Variants in SSBP2 observed in about 807,000 individuals in gnomAD.
The protein encoded by SSBP2 is single stranded DNA binding protein 2, also known as single-stranded DNA-binding protein 2.
Under a neutral mutation model 61.8 loss-of-function variants are expected in SSBP2, and 17 were observed. The ratio of observed to expected loss-of-function variants is 0.28; its 90% CI spans 0.19 to 0.41. The LOEUF (loss-of-function observed/expected upper bound fraction) is 0.41, where lower values mean the gene tolerates loss of function less well. Ranked by LOEUF, SSBP2 falls within the 10% of genes least tolerant of loss-of-function variation. The pLI, the probability that SSBP2 is intolerant of heterozygous loss-of-function variation, is 1.00. For missense variants in SSBP2, 310 were observed against 458.7 expected (o/e 0.68, Z 2.96); for synonymous variants, 139 against 141.3 (o/e 0.98, Z 0.12).
At chr5:81,745,247 C>T (rs1185516885) in intron 1 of SSBP2, among the ~76,000 whole-genome samples, 2 of 152,090 alleles carry the variant, frequency 1.3e-5, no homozygotes, top group African/African-American at 4.8e-5. Context: ...AGACATTAAT[C>T]TTGGTGGACC....
intron 1 of SSBP2, among the ~76,000 whole-genome samples, chr5:81,660,442 A>G (rs1750588560): frequency 6.6e-6 from 1 of 152,074 alleles, no homozygotes; most frequent in Non-Finnish European, 1.5e-5. Context: ...TAGAAATGCA[A>G]ATCACCACAA....
chr5:81,712,362 A>AGATTTCTGGCT (rs141328482), intron 1 of SSBP2, among the ~76,000 whole-genome samples: 1 of 49,488 alleles, frequency 2.0e-5, no homozygotes, highest in Non-Finnish European at 4.1e-5. Flanking sequence ...TAAAGATTAC[A>AGATTTCTGGCT]AGGCCGAGGC....
At chr5:81,599,315 G>T (rs962016394) in intron 4 of SSBP2, among the ~76,000 whole-genome samples, 1 of 152,182 alleles carries the variant, frequency 6.6e-6, no homozygotes, top group African/African-American at 2.4e-5. Flanking sequence ...GCTCTGAAAA[G>T]AGCAAGTTTC....
chr5:81,634,430 T>G (rs1325547719), intron 3 of SSBP2, among the ~76,000 whole-genome samples: 1 of 152,144 alleles, frequency 6.6e-6, no homozygotes, highest in Non-Finnish European at 1.5e-5. Context: ...CTCCCTAAGA[T>G]GTACGAAATC....
At chr5:81,448,912 T>C in intron 10 of SSBP2, 87 bp from the exon 11 acceptor site, 1 of 1,134,390 alleles carries the variant, frequency 8.8e-7, no homozygotes, top group Non-Finnish European at 1.3e-6. Flanking sequence ...TGATTTTTTG[T>C]CAAGTTTTAA....
chr5:81,700,238 CA>C (rs1421066326), intron 1 of SSBP2, among the ~76,000 whole-genome samples: 4 of 152,136 alleles, frequency 2.6e-5, no homozygotes, highest in African/African-American at 9.7e-5. Context: ...GGCAGGGAAA[CA>C]ATATCAATCT....
rs189970892 is a variant in SSBP2 at position 81,571,039 on chromosome 5, C to T, written c.282+44434G>A. On this transcript the variant is annotated intron_variant, in intron 4 of 16. Coordinates refer to ENST00000320672, the MANE Select transcript of SSBP2 (RefSeq NM_012446.5). Reference sequence around the variant, plus strand: ...CATTATCACATGACATATTTCTAGACAGTAGATACTTCAGAATTCCTATAT... The same window carrying T: ...CATTATCACATGACATATTTCTAGATAGTAGATACTTCAGAATTCCTATAT... 4.6e-5 allele frequency among the ~76,000 whole-genome samples: 7 copies of T among 152,292 alleles called. No individual in the cohort carries two copies. The East Asian group carries it at 1.2e-3, about 25-fold the overall frequency.
At chr5:81,525,914 A>G (rs975820592) in intron 4 of SSBP2, among the ~76,000 whole-genome samples, 4 of 152,072 alleles carry the variant, frequency 2.6e-5, no homozygotes, top group African/African-American at 9.7e-5. Context: ...AGTTCTTTAA[A>G]ACGTCTTTGT....
rs772423701 is a variant in SSBP2, at chr5:81,615,462, T to G, written c.282+11A>C. 6.2e-7 allele frequency: 1 copy of G among 1,603,022 alleles called. No individual in the cohort carries two copies. The highest frequency in any genetic ancestry group is 1.1e-5 in the South Asian group (1 of 90,698). On this transcript the variant is annotated intron_variant, in intron 4 of 16. Coordinates refer to ENST00000320672, the MANE Select transcript of SSBP2 (RefSeq NM_012446.5). ...GACAGTGTAACTTTGTAAAATTATATGTTAACTTACGTAATCATGGAAGGC... is the reference window on the plus strand; with the variant it reads ...GACAGTGTAACTTTGTAAAATTATAGGTTAACTTACGTAATCATGGAAGGC...
At chr5:81,614,035 A>T (rs538983081) in intron 4 of SSBP2, among the ~76,000 whole-genome samples, 3 of 152,132 alleles carry the variant, frequency 2.0e-5, no homozygotes, top group Non-Finnish European at 2.9e-5. Flanking sequence ...AATCACAAGC[A>T]CTCTCACTTG....
chr5:81,630,473 G>C (rs1332602408), intron 3 of SSBP2, among the ~76,000 whole-genome samples: 1 of 152,174 alleles, frequency 6.6e-6, no homozygotes, highest in Non-Finnish European at 1.5e-5. Context: ...GATTTATATA[G>C]ATGAAGGAGG....
At position 81,681,700 on chromosome 5, in the gene SSBP2, A is replaced by G. The variant is rs148830365; in HGVS notation, c.63-31361T>C. ...AAAAGAAGGGCAAATTAAATCCAAAATAAGCCAGAGGAAAAAATCTGAGCA... is the reference window on the plus strand; with the variant it reads ...AAAAGAAGGGCAAATTAAATCCAAAGTAAGCCAGAGGAAAAAATCTGAGCA... On this transcript the variant is annotated intron_variant, in intron 1 of 16. Coordinates refer to ENST00000320672, the MANE Select transcript of SSBP2 (RefSeq NM_012446.5). 3.1e-3 allele frequency among the ~76,000 whole-genome samples: 473 copies of G among 152,216 alleles called. 3 individuals are homozygous for G. Among genetic ancestry groups the G allele is most frequent in the African/African-American group, 0.011 (452 of 41,548 alleles).
intron 1 of SSBP2, among the ~76,000 whole-genome samples, chr5:81,674,457 C>T (rs1200750166): frequency 2.0e-5 from 3 of 152,094 alleles, no homozygotes; most frequent in African/African-American, 7.2e-5. Context: ...TGTGGTCCTA[C>T]CAGTCAAAGC....
At chr5:81,475,228 CT>C (rs910595263) in intron 6 of SSBP2, among the ~76,000 whole-genome samples, 23 of 152,192 alleles carry the variant, frequency 1.5e-4, no homozygotes, top group African/African-American at 4.8e-4. Context: ...ACCTACTGAT[CT>C]TAAGTATATA....
rs13171371 is a variant in SSBP2 at position 81,416,008 on chromosome 5, A to G, written c.*4496T>C. 1 of 151,328 alleles carries G rather than the reference A, an allele frequency of 6.6e-6. No individual in the cohort carries two copies. The highest frequency in any genetic ancestry group is 1.9e-4 in the East Asian group (1 of 5,174). 9.4% of individuals were successfully genotyped at this position (151,328 alleles called of 1,614,324 possible). On this transcript the variant is annotated 3_prime_UTR_variant, in exon 17 of 17. Transcript: ENST00000320672. ...GAGGCTGAGGCGGGCAGATCACTTG[A>G]GGTCAGGAGTTCCAGACCAGCCTGG... is the stretch of plus-strand genomic sequence containing the variant.
At chr5:81,507,798 T>C (rs1252465711) in intron 5 of SSBP2, among the ~76,000 whole-genome samples, 4 of 152,156 alleles carry the variant, frequency 2.6e-5, no homozygotes, top group Non-Finnish European at 5.9e-5. Flanking sequence ...AGAAGCTTCC[T>C]TGTTACTTAC....
At chr5:81,617,747 G>T (rs1476928058) in intron 3 of SSBP2, among the ~76,000 whole-genome samples, 5 of 91,846 alleles carry the variant, frequency 5.4e-5, no homozygotes, top group Admixed American at 1.3e-4. Context: ...GACTAACAGC[G>T]GATCTCTCGG....
At chr5:81,713,593 CA>C (rs2153945531) in intron 1 of SSBP2, among the ~76,000 whole-genome samples, 1 of 152,262 alleles carries the variant, frequency 6.6e-6, no homozygotes, top group African/African-American at 2.4e-5. Context: ...TGTACATCGC[CA>C]ATAAAACAGC....
chr5:81,590,970 T>A (rs1466388853), intron 4 of SSBP2, among the ~76,000 whole-genome samples: 1 of 152,174 alleles, frequency 6.6e-6, no homozygotes, highest in Non-Finnish European at 1.5e-5. Flanking sequence ...AATCCCTGCC[T>A]AAGACTGAGG....
Sources: gnomAD v4.1 joint callset for allele counts (sites outside exome capture counted in the v4.1 genomes callset) on GRCh38, gnomAD v4.1.1 for gene constraint, MANE v1.5 for transcripts, NCBI Gene and HGNC (gene_info 2026-07-23, HGNC 2026-07-21) for gene names.